DZIP1: variants seen among roughly 807,000 people sequenced by gnomAD.
DZIP1 encodes DAZ interacting zinc finger protein 1.
A neutral mutation model predicts 107.6 loss-of-function variants in DZIP1; 97 were observed. The ratio of observed to expected loss-of-function variants is 0.90; its 90% CI spans 0.77 to 1.07. The LOEUF (loss-of-function observed/expected upper bound fraction) is 1.07. Ranked by LOEUF, DZIP1 falls within the 50% of genes least tolerant of loss-of-function variation. The probability of loss-of-function intolerance (pLI) is 0.00; values close to 1 mark genes in which losing one functional copy is unlikely to be tolerated. For synonymous variants in DZIP1, 390 were observed against 386.4 expected, an observed-to-expected ratio of 1.01 and a Z score of -0.11; for missense variants, 1,035 against 1,063.6, an observed-to-expected ratio of 0.97 and a Z score of 0.37.
intron 13 of DZIP1, among the ~76,000 whole-genome samples, chr13:95,606,548 T>G (rs1424483284): frequency 6.6e-6 from 1 of 152,254 alleles, no homozygotes; most frequent in Non-Finnish European, 1.5e-5. Flanking sequence ...GGTTCATCCA[T>G]GCTGTAGCAT....
intron 6 of DZIP1, 65 bp downstream of exon 6, chr13:95,633,169 G>A: frequency 6.9e-7 from 1 of 1,439,904 alleles, no homozygotes; most frequent in Non-Finnish European, 9.7e-7. Flanking sequence ...ACTGGACCAA[G>A]TCTCATTGCC....
chr13:95,606,703 T>C (rs1369702800), intron 13 of DZIP1, among the ~76,000 whole-genome samples: 1 of 152,168 alleles, frequency 6.6e-6, no homozygotes, highest in African/African-American at 2.4e-5. Flanking sequence ...GCAATGAACA[T>C]TCATGCAAAA....
chr13:95,604,223 G>A (rs2044706357), intron 14 of DZIP1, among the ~76,000 whole-genome samples: 1 of 152,242 alleles, frequency 6.6e-6, no homozygotes, highest in Non-Finnish European at 1.5e-5. Flanking sequence ...ACAATGGTAA[G>A]AAATTGTGAG....
Position 95,633,255 on chromosome 13 carries a change from T to C in DZIP1, c.664A>G (p.Thr222Ala), listed in dbSNP as rs1486485217. Residue 222 changes from threonine to alanine, a missense_variant, in exon 6 of 23, where the codon ACT (threonine) becomes GCT (alanine). Physicochemically the swap from Thr to Ala is moderately conservative, Grantham distance 58 (BLOSUM62 0). Transcript: ENST00000376829. ...FLQSHIQRRHTEENSHFEYQK... is the reference protein window; with the variant it reads ...FLQSHIQRRHAEENSHFEYQK... Reference sequence around the variant, plus strand: ...TCACCAAAATGAGAATTTTCTTCAGTGTGGCGGCGTTGAATGTGACTTTGT... The same window carrying C: ...TCACCAAAATGAGAATTTTCTTCAGCGTGGCGGCGTTGAATGTGACTTTGT... 1.2e-6 allele frequency: 2 copies of C among 1,614,200 alleles called. No individual in the cohort carries two copies. Among genetic ancestry groups the C allele is most frequent in the Admixed American group, 3.3e-5 (2 of 60,028 alleles).
intron 14 of DZIP1, among the ~76,000 whole-genome samples, chr13:95,604,135 C>A (rs534729677): frequency 2.2e-4 from 34 of 152,336 alleles, no homozygotes; most frequent in African/African-American, 7.9e-4. Context: ...CTGCTTCTCT[C>A]ACAGGTGCTG....
intron 8 of DZIP1, among the ~76,000 whole-genome samples, chr13:95,624,146 C>T (rs1329123259): frequency 6.6e-6 from 1 of 152,194 alleles, no homozygotes; most frequent in Admixed American, 6.5e-5. Flanking sequence ...CAAGGACCTT[C>T]GCTCAGCTCC....
At chr13:95,602,575 G>C (rs766747108) in intron 14 of DZIP1, among the ~76,000 whole-genome samples, 3 of 152,242 alleles carry the variant, frequency 2.0e-5, no homozygotes, top group Admixed American at 6.5e-5. Context: ...GAAGGCAAGA[G>C]TGGCGGAACA....
intron 5 of DZIP1, among the ~76,000 whole-genome samples, chr13:95,635,771 A>G (rs1435440376): frequency 6.6e-6 from 1 of 152,226 alleles, no homozygotes; most frequent in African/African-American, 2.4e-5. Flanking sequence ...GACAGAGACC[A>G]TCCAGCCTTC....
chr13:95,635,613 A>C (rs1877704579), intron 5 of DZIP1, among the ~76,000 whole-genome samples: 1 of 152,026 alleles, frequency 6.6e-6, no homozygotes, highest in African/African-American at 2.4e-5. Context: ...CCCTCACACC[A>C]GCTCTGATGT....
At chr13:95,638,083 ATCTTT>A (rs2139451537) in intron 5 of DZIP1, among the ~76,000 whole-genome samples, 1 of 138,154 alleles carries the variant, frequency 7.2e-6, no homozygotes, top group African/African-American at 2.6e-5. Context: ...CCTGAGTTCA[ATCTTT>A]TTTTTTTTTT....
In DZIP1 at chr13:95,633,418, C is replaced by A. The variant is rs3742151; in HGVS notation, c.598-97G>T. ...AGGTACCTGGCCAGGCACTGTGGCT[C>A]ACGCCTGTAATCCCAGCACTTTAGG... On this transcript the variant is annotated intron_variant, in intron 5 of 22. Transcript: ENST00000376829. The A allele has an allele frequency of 3.9e-6, 4 of 1,036,560 alleles. No individual in the cohort carries two copies. In the Admixed American group the frequency reaches 5.9e-5, roughly 15 times the overall value. The allele number at this position is 1,036,560 out of a possible 1,614,324, so 64.2% of individuals were successfully genotyped here.
intron 14 of DZIP1, 110 bp downstream of exon 14, chr13:95,605,893 G>A (rs2044757385): frequency 2.6e-6 from 3 of 1,136,024 alleles, no homozygotes; most frequent in Non-Finnish European, 3.8e-6. Context: ...TCACTAAAAT[G>A]TTTCCTGTTT....
intron 15 of DZIP1, among the ~76,000 whole-genome samples, chr13:95,595,826 G>A (rs2044437686): frequency 6.6e-6 from 1 of 152,196 alleles, no homozygotes; most frequent in Non-Finnish European, 1.5e-5. Flanking sequence ...TTTTCTCTGG[G>A]ACTTGGGGCC....
At position 95,635,486 on chromosome 13, in the gene DZIP1, G is replaced by A. The variant is rs147703911; in HGVS notation, c.598-2165C>T. The stretch of plus-strand genomic sequence containing the variant: ...TGCTGGAATTACAGGTGTAACCCAC[G>A]GTGCCCAGTCATATTCTGGTATATT... On this transcript the variant is annotated intron_variant, in intron 5 of 22. Coordinates refer to ENST00000376829, the MANE Select transcript of DZIP1 (RefSeq NM_198968.4). Among the ~76,000 whole-genome samples the A allele has an allele frequency of 2.1e-3, 320 of 152,012 alleles. 2 individuals are homozygous for A. The highest frequency in any genetic ancestry group is 7.4e-3 in the African/African-American group (307 of 41,460).
intron 5 of DZIP1, among the ~76,000 whole-genome samples, chr13:95,633,702 A>C (rs991283141): frequency 1.4e-5 from 2 of 147,574 alleles, no homozygotes; most frequent in Non-Finnish European, 3.0e-5. Context: ...AAAAAAAAAA[A>C]TTCAGGTACC....
rs199773127 is a variant in DZIP1 at position 95,582,326 on chromosome 13, G to T, written c.2525-13C>A. The stretch of plus-strand genomic sequence containing the variant: ...TTTTCTTGAAGTCCTGTAAGTGGTG[G>T]GTAGAGGCAGAAGAGAAGGCCTCAA... On this transcript the variant is annotated splice_polypyrimidine_tract_variant and intron_variant, in intron 22 of 22. Transcript: ENST00000376829. 1.9e-6 allele frequency: 3 copies of T among 1,612,596 alleles called. No homozygotes were observed. Among genetic ancestry groups the T allele is most frequent in the East Asian group, 4.5e-5 (2 of 44,874 alleles).
At chr13:95,589,443 T>C (rs529482860) in intron 18 of DZIP1, among the ~76,000 whole-genome samples, 1 of 152,250 alleles carries the variant, frequency 6.6e-6, no homozygotes, top group East Asian at 1.9e-4. Flanking sequence ...ATACATATGC[T>C]AAAGACCTGA....
At chr13:95,627,784 T>C (rs759035491) in intron 7 of DZIP1, among the ~76,000 whole-genome samples, 2 of 152,134 alleles carry the variant, frequency 1.3e-5, no homozygotes, top group Non-Finnish European at 2.9e-5. Flanking sequence ...CATTCCTAAG[T>C]ATATAATCAA....
At chr13:95,591,002 C>T (rs1594650341) in intron 16 of DZIP1, among the ~76,000 whole-genome samples, 1 of 150,386 alleles carries the variant, frequency 6.6e-6, no homozygotes, top group Non-Finnish European at 1.5e-5. Context: ...AATAGGTCAT[C>T]AGAGCATCAG....
Sources: gnomAD v4.1 joint callset for allele counts (sites outside exome capture counted in the v4.1 genomes callset) on GRCh38, gnomAD v4.1.1 for gene constraint, MANE v1.5 for transcripts, NCBI Gene and HGNC (gene_info 2026-07-23, HGNC 2026-07-21) for gene names.